The following LMBR1 variants were observed in gnomAD, a reference collection of about 807,000 sequenced individuals.
LMBR1 encodes the protein limb development membrane protein 1.
A neutral mutation model predicts 73.9 loss-of-function variants in LMBR1; 52 were observed. The ratio of observed to expected loss-of-function variants is 0.70; its 90% CI spans 0.56 to 0.89. The LOEUF is 0.89. Among genes scored for constraint, LMBR1 ranks in the 40% least tolerant of loss-of-function variants. The pLI, the probability that LMBR1 is intolerant of heterozygous loss-of-function variation, is 0.00. For synonymous variants in LMBR1, 215 were observed against 209.4 expected (o/e 1.03, Z -0.23); for missense variants, 539 against 579.8 (o/e 0.93, Z 0.72).
In LMBR1 at chr7:156,680,405, T is replaced by C. The variant is rs62491036; in HGVS notation, c.*3673A>G. 2.2e-5 allele frequency: 1 copy of C among 45,944 alleles called. No individual in the cohort carries two copies. Among genetic ancestry groups the C allele is most frequent in the East Asian group, 9.9e-4 (1 of 1,010 alleles). The allele number at this position is 45,944 out of a possible 1,614,324, so 2.8% of individuals were successfully genotyped here. ...GAGAGAGAGAGAGAGAGAGAGAGAGTGTGTGTGTGTGTGTGTGTGTAATGG... is the reference window on the plus strand; with the variant it reads ...GAGAGAGAGAGAGAGAGAGAGAGAGCGTGTGTGTGTGTGTGTGTGTAATGG... On this transcript the variant is annotated 3_prime_UTR_variant, in exon 17 of 17. Coordinates refer to ENST00000353442, the MANE Select transcript of LMBR1 (RefSeq NM_022458.4).
At chr7:156,714,977 A>C (rs1812908825) in intron 15 of LMBR1, among the ~76,000 whole-genome samples, 1 of 149,240 alleles carries the variant, frequency 6.7e-6, no homozygotes, top group African/African-American at 2.5e-5. Flanking sequence ...TTTGAGACAG[A>C]GTCTCGCTCT....
intron 5 of LMBR1, among the ~76,000 whole-genome samples, chr7:156,780,422 A>C (rs1826923595): frequency 6.6e-6 from 1 of 152,214 alleles, no homozygotes; most frequent in Non-Finnish European, 1.5e-5. Flanking sequence ...AAATGAATTA[A>C]TACATGTTTT....
At chr7:156,823,628 C>T (rs1198316222) in intron 4 of LMBR1, 1 of 152,098 alleles carries the variant, frequency 6.6e-6, no homozygotes, top group Non-Finnish European at 1.5e-5. Context: ...ATAAATGGTT[C>T]CACCCTTTAA....
At chr7:156,798,296 C>T (rs1027534159) in intron 4 of LMBR1, among the ~76,000 whole-genome samples, 1 of 152,172 alleles carries the variant, frequency 6.6e-6, no homozygotes, top group Non-Finnish European at 1.5e-5. Flanking sequence ...GTTACAGCAC[C>T]AGAGGCTACT....
At chr7:156,733,209 C>T (rs904978814) in intron 10 of LMBR1, among the ~76,000 whole-genome samples, 1 of 152,110 alleles carries the variant, frequency 6.6e-6, no homozygotes, top group Admixed American at 6.6e-5. Context: ...AGGGTAAAAT[C>T]TCACCTGACA....
intron 1 of LMBR1, among the ~76,000 whole-genome samples, chr7:156,890,258 G>A (rs961494648): frequency 2.6e-5 from 4 of 152,008 alleles, no homozygotes; most frequent in Non-Finnish European, 4.4e-5. Flanking sequence ...AAGAAGAAGA[G>A]AACATCAGTC....
At chr7:156,676,616 C>A, downstream of LMBR1, 1 of 1,614,130 alleles carries the variant, frequency 6.2e-7, no homozygotes, top group Non-Finnish European at 8.5e-7. Context: ...CCTGTCCTCT[C>A]TGCCGCTCCT....
chr7:156,721,066 T>C (rs1397227384), intron 15 of LMBR1, among the ~76,000 whole-genome samples: 3 of 152,050 alleles, frequency 2.0e-5, no homozygotes, highest in African/African-American at 7.2e-5. Flanking sequence ...ATGAGAAATA[T>C]GTGAAAATAC....
intron 15 of LMBR1, among the ~76,000 whole-genome samples, chr7:156,697,237 G>A (rs1413695802): frequency 6.6e-6 from 1 of 152,062 alleles, no homozygotes; most frequent in Admixed American, 6.5e-5. Flanking sequence ...AGGGCAAAAA[G>A]CAGAACTACT....
chr7:156,848,930 CA>C (rs4019953), intron 1 of LMBR1, among the ~76,000 whole-genome samples: 126 of 111,622 alleles, frequency 1.1e-3, no homozygotes, highest in Middle Eastern at 5.5e-3. Flanking sequence ...GACTCTGTCT[CA>C]AAAAAAAAAA....
At chr7:156,827,046 T>C (rs1835826706) in intron 3 of LMBR1, among the ~76,000 whole-genome samples, 1 of 152,200 alleles carries the variant, frequency 6.6e-6, no homozygotes, top group Admixed American at 6.5e-5. Context: ...TTGTAGTTCA[T>C]TCCTCTTTTA....
intron 15 of LMBR1, among the ~76,000 whole-genome samples, chr7:156,700,459 G>T (rs1318651375): frequency 6.6e-6 from 1 of 151,898 alleles, no homozygotes; most frequent in Non-Finnish European, 1.5e-5. Flanking sequence ...TGAGTTAATG[G>T]GTGCAGCACA....
intron 15 of LMBR1, among the ~76,000 whole-genome samples, chr7:156,695,554 C>T (rs1404419276): frequency 3.3e-5 from 5 of 151,906 alleles, no homozygotes; most frequent in African/African-American, 7.3e-5. Context: ...GGGAGGCACC[C>T]GACACTTTTA....
At chr7:156,749,938 C>T (rs188232760) in intron 9 of LMBR1, among the ~76,000 whole-genome samples, 17 of 152,254 alleles carry the variant, frequency 1.1e-4, no homozygotes, top group Admixed American at 9.8e-4. Flanking sequence ...ATCTGCCTGC[C>T]TCGGCCTCCC....
chr7:156,821,165 T>A (rs147977829), intron 4 of LMBR1, among the ~76,000 whole-genome samples: 1 of 152,292 alleles, frequency 6.6e-6, no homozygotes, highest in East Asian at 1.9e-4. Context: ...CATTCCATCA[T>A]CAAATGGAAG....
chr7:156,688,267 G>C, intron 15 of LMBR1, 76 bp from the exon 16 acceptor site: 1 of 1,010,858 alleles, frequency 9.9e-7, no homozygotes. Flanking sequence ...TAAAGTACAA[G>C]TTAGATCGAA....
At chr7:156,886,304 A>C (rs1199374810) in intron 1 of LMBR1, among the ~76,000 whole-genome samples, 3 of 152,234 alleles carry the variant, frequency 2.0e-5, no homozygotes, top group Non-Finnish European at 4.4e-5. Context: ...CGGGTTGGCC[A>C]AGTTTATATA....
chr7:156,785,315 T>A (rs1165303527), intron 5 of LMBR1, among the ~76,000 whole-genome samples: 1 of 152,008 alleles, frequency 6.6e-6, no homozygotes, highest in East Asian at 1.9e-4. Flanking sequence ...AAACCCAATA[T>A]GATTTGGGGT....
rs1828940435 is a variant in LMBR1 at position 156,790,125 on chromosome 7, T to A, written c.423+6264A>T. Among the ~76,000 whole-genome samples the A allele has an allele frequency of 2.0e-5, 3 of 152,084 alleles. No homozygotes were observed. In the South Asian group the frequency reaches 6.2e-4, roughly 32 times the overall value. Reference sequence around the variant, plus strand: ...ACAACCTATACTGTTCTAAAACAGATCCTATTTCAAAAAATAAAATAAAAG... The same window carrying A: ...ACAACCTATACTGTTCTAAAACAGAACCTATTTCAAAAAATAAAATAAAAG... On this transcript the variant is annotated intron_variant, in intron 5 of 16. Transcript: ENST00000353442.
Sources: gnomAD v4.1 joint callset for allele counts (sites outside exome capture counted in the v4.1 genomes callset) on GRCh38, gnomAD v4.1.1 for gene constraint, MANE v1.5 for transcripts, NCBI Gene and HGNC (gene_info 2026-07-23, HGNC 2026-07-21) for gene names.